Variants in DZIP1 observed in about 807,000 individuals in gnomAD.
DZIP1 encodes the protein cilium assembly protein DZIP1.
Under a neutral mutation model 107.6 loss-of-function variants are expected in DZIP1, and 97 were observed. That is an observed-to-expected ratio of 0.90 (90% CI 0.77 to 1.07). The LOEUF (loss-of-function observed/expected upper bound fraction) is 1.07, where lower values mean the gene tolerates loss of function less well. DZIP1 is among the 50% of genes least tolerant of loss of function. The pLI is 0.00. For synonymous variants in DZIP1, 390 were observed against 386.4 expected (o/e 1.01, Z -0.11); for missense variants, 1,035 against 1,063.6 (o/e 0.97, Z 0.37).
chr13:95,593,833 TCTC>T, intron 16 of DZIP1, 108 bp downstream of exon 16: 1 of 1,343,014 alleles, frequency 7.4e-7, no homozygotes, highest in Non-Finnish European at 1.0e-6. Flanking sequence ...TAGCCTCTGT[TCTC>T]CAAACATGGA....
At chr13:95,639,505 C>T (rs1214321074) in intron 5 of DZIP1, among the ~76,000 whole-genome samples, 2 of 150,546 alleles carry the variant, frequency 1.3e-5, no homozygotes, top group African/African-American at 2.4e-5. Flanking sequence ...GTGGGAAAAT[C>T]GCTTGAACGC....
intron 18 of DZIP1, 31 bp downstream of exon 18, chr13:95,589,772 A>T (rs773131506): frequency 6.2e-7 from 1 of 1,603,276 alleles, no homozygotes. Context: ...ACAAACACTG[A>T]TAAAATAAAT....
At chr13:95,590,254 C>A (rs1227543514) in intron 17 of DZIP1, 25 bp downstream of exon 17, 2 of 1,552,404 alleles carry the variant, frequency 1.3e-6, no homozygotes, top group Non-Finnish European at 1.7e-6. Flanking sequence ...ATTAAGCTCC[C>A]ATTTGCAGTG....
At position 95,606,049 on chromosome 13, in the gene DZIP1, T is replaced by A. The variant is rs1370762591; in HGVS notation, c.1431A>T (p.Pro477=). 6.2e-7 allele frequency: 1 copy of A among 1,613,804 alleles called. No individual in the cohort carries two copies. The highest frequency in any genetic ancestry group is 1.3e-5 in the African/African-American group (1 of 74,904). The change falls in exon 14 of 23, where the codon CCA becomes CCT. Residue 477 remains proline (P), a synonymous_variant. Coordinates refer to ENST00000376829, the MANE Select transcript of DZIP1 (RefSeq NM_198968.4). ...PAAPAVPMNA[P]ALHTLETKSS... ...ATTTAGTTTCCAAAGTGTGCAGGGC[T>A]GGGGCATTCACTGAAACAGCATAAA...
chr13:95,630,838 A>T (rs1260597473), intron 6 of DZIP1: 19 of 890,020 alleles, frequency 2.1e-5, no homozygotes, highest in Admixed American at 7.0e-5. Flanking sequence ...CTCGTTTCAG[A>T]GTCTGAAACC....
At chr13:95,611,342 G>C (rs1050352560) in intron 12 of DZIP1, 103 bp downstream of exon 12, 2 of 809,846 alleles carry the variant, frequency 2.5e-6, no homozygotes, top group African/African-American at 3.5e-5. Flanking sequence ...CAAGAAGAAT[G>C]CCATCTTAGC....
In DZIP1 at chr13:95,580,393, A is replaced by G. The variant is rs1257972155; in HGVS notation, c.*1841T>C. The G allele has an allele frequency of 6.6e-6, 1 of 152,022 alleles. No homozygotes were observed. Among genetic ancestry groups the G allele is most frequent in the Non-Finnish European group, 1.5e-5 (1 of 68,026 alleles). The allele number at this position is 152,022 out of a possible 1,614,324, so 9.4% of individuals were successfully genotyped here. On this transcript the variant is annotated 3_prime_UTR_variant, in exon 23 of 23. Transcript: ENST00000376829. ...CATGTAAGCTAAAGGAGGGGCTCTT[A>G]AAAGACACAGATATAGTGACTTAAT...
chr13:95,604,798 G>T (rs1401489153), intron 14 of DZIP1, among the ~76,000 whole-genome samples: 2 of 152,154 alleles, frequency 1.3e-5, no homozygotes, highest in African/African-American at 2.4e-5. Flanking sequence ...AAGAGAAATG[G>T]CCAGCAATGC....
Position 95,582,351 on chromosome 13 carries a change from A to G in DZIP1, c.2525-38T>C, listed in dbSNP as rs376258950. ...GGTAGAGGCAGAAGAGAAGGCCTCAATGGTTAAACAAGCACATTGTCAAGT... is the reference window on the plus strand; with the variant it reads ...GGTAGAGGCAGAAGAGAAGGCCTCAGTGGTTAAACAAGCACATTGTCAAGT... On this transcript the variant is annotated intron_variant, in intron 22 of 22. Transcript: ENST00000376829. 76 of 1,505,872 alleles carry G rather than the reference A, an allele frequency of 5.0e-5. No individual in the cohort carries two copies. In the African/African-American group the frequency reaches 1.0e-3, roughly 20 times the overall value. The allele number at this position is 1,505,872 out of a possible 1,614,324, so 93.3% of individuals were successfully genotyped here. A position where few individuals can be genotyped will look rare whatever the true frequency, so the allele number is the denominator to read the frequency against.
Position 95,624,815 on chromosome 13 carries a change from T to G in DZIP1, c.925A>C (p.Met309Leu). Residue 309 changes from methionine to leucine, a missense_variant, in exon 8 of 23, where the codon ATG (methionine) becomes CTG (leucine). Coordinates refer to ENST00000376829, the MANE Select transcript of DZIP1 (RefSeq NM_198968.4). ...GAAGTTAATTCTTTAAATTCCTTCA[T>G]AAACATCTCCTTGACTTTTTCCATT... ...DEMEKVKEMF[M>L]KEFKELTSKN... The G allele has an allele frequency of 6.2e-7, 1 of 1,610,136 alleles. No homozygotes were observed. Among genetic ancestry groups the G allele is most frequent in the African/African-American group, 1.3e-5 (1 of 75,014 alleles).
At chr13:95,603,923 A>G (rs1053277016) in intron 14 of DZIP1, among the ~76,000 whole-genome samples, 1 of 152,214 alleles carries the variant, frequency 6.6e-6, no homozygotes, top group Non-Finnish European at 1.5e-5. Flanking sequence ...CTCACAGTGG[A>G]GTCCCTTCCA....
chr13:95,587,847 C>T, intron 19 of DZIP1, 118 bp from the exon 20 acceptor site: 1 of 1,287,686 alleles, frequency 7.8e-7, no homozygotes, highest in Non-Finnish European at 1.0e-6. Context: ...TCAGTGGGCA[C>T]AAGTGCCTTT....
Position 95,610,111 on chromosome 13 carries a change from T to TGTGTGTGTGTGTGTGTGTGA in DZIP1, c.1364-599_1364-598insTCACACACACACACACACAC, listed in dbSNP as rs368276400. Among the ~76,000 whole-genome samples the TGTGTGTGTGTGTGTGTGTGA allele has an allele frequency of 1.0e-4, 13 of 126,768 alleles. 1 individual carries two copies. The highest frequency in any genetic ancestry group is 2.2e-4 in the Non-Finnish European group (13 of 58,238). 83.2% of individuals were successfully genotyped at this position (126,768 alleles called of 152,430 possible). A position where few individuals can be genotyped will look rare whatever the true frequency, so the allele number is the denominator to read the frequency against. Reference sequence around the variant, plus strand: ...GTGTGTGTGTGTGTGTGTGTGTGTGTGAGAGAGAGACAGAGAGAGAGAGAC... The same window carrying TGTGTGTGTGTGTGTGTGTGA: ...GTGTGTGTGTGTGTGTGTGTGTGTGTGTGTGTGTGTGTGTGTGTGAGAGAGAGAGACAGAGAGAGAGAGAC... On this transcript the variant is annotated intron_variant, in intron 12 of 22. Transcript: ENST00000376829.
At chr13:95,600,621 T>TAGACAGACAGAC (rs1440542990) in intron 14 of DZIP1, among the ~76,000 whole-genome samples, 39 of 101,022 alleles carry the variant, frequency 3.9e-4, no homozygotes, top group East Asian at 1.1e-3. Flanking sequence ...GATAGATAGA[T>TAGACAGACAGAC]AGATAGATAG....
chr13:95,606,899 A>G (rs969932448), intron 13 of DZIP1, among the ~76,000 whole-genome samples: 2 of 152,164 alleles, frequency 1.3e-5, no homozygotes, highest in African/African-American at 4.8e-5. Flanking sequence ...TCTTATCTGA[A>G]AGTCCTCTCT....
chr13:95,608,569 T>C (rs1174791193), intron 13 of DZIP1, among the ~76,000 whole-genome samples: 2 of 152,174 alleles, frequency 1.3e-5, no homozygotes, highest in Non-Finnish European at 2.9e-5. Context: ...AAATGTGTTT[T>C]TTTCCTTCAT....
chr13:95,596,141 G>A (rs750357603), intron 15 of DZIP1, among the ~76,000 whole-genome samples: 1 of 152,152 alleles, frequency 6.6e-6, no homozygotes, highest in African/African-American at 2.4e-5. Context: ...AGAATGTAGA[G>A]TAAGCAGGGA....
At chr13:95,582,348 T>G (rs2044030691) in intron 22 of DZIP1, 35 bp from the exon 23 acceptor site, 1 of 1,541,314 alleles carries the variant, frequency 6.5e-7, no homozygotes, top group Admixed American at 1.7e-5. Context: ...AGAGAAGGCC[T>G]CAATGGTTAA....
At chr13:95,610,276 G>A (rs868678144) in intron 12 of DZIP1, among the ~76,000 whole-genome samples, 3 of 151,544 alleles carry the variant, frequency 2.0e-5, no homozygotes, top group South Asian at 2.1e-4. Flanking sequence ...AACGCAGCAA[G>A]CCTTTATAGC....
Sources: allele counts gnomAD v4.1 joint callset (sites outside exome capture counted in the v4.1 genomes callset), GRCh38; gene constraint gnomAD v4.1.1; transcripts MANE v1.5; gene names NCBI Gene and HGNC (gene_info 2026-07-23, HGNC 2026-07-21).